Variants in MEIOB observed in about 807,000 individuals in gnomAD.
The protein encoded by MEIOB is meiosis specific with OB-fold.
A neutral mutation model predicts 53.1 loss-of-function variants in MEIOB; 50 were observed. That is an observed-to-expected ratio of 0.94 (90% CI 0.75 to 1.19). The LOEUF is 1.19. Ranked by LOEUF, MEIOB falls within the 50% of genes most tolerant of loss-of-function variation. The probability of loss-of-function intolerance (pLI) is 0.00; values close to 1 mark genes in which losing one functional copy is unlikely to be tolerated. For synonymous variants in MEIOB, 192 were observed against 182.5 expected (o/e 1.05, Z -0.42); for missense variants, 551 against 550.8 (o/e 1.00, Z 0.00).
chr16:1,859,809 G>A (rs983874718), intron 5 of MEIOB, among the ~76,000 whole-genome samples: 6 of 152,030 alleles, frequency 3.9e-5, no homozygotes, highest in Admixed American at 2.6e-4. Context: ...TGCCAGACCC[G>A]CCTTTGAGCT....
At chr16:1,869,786 C>T (rs1390772857) in intron 1 of MEIOB, among the ~76,000 whole-genome samples, 1 of 151,854 alleles carries the variant, frequency 6.6e-6, no homozygotes, top group Non-Finnish European at 1.5e-5. Context: ...TATATATTAG[C>T]ATCAAGCTTA....
chr16:1,843,155 G>C (rs1310279269), intron 10 of MEIOB, among the ~76,000 whole-genome samples: 1 of 151,084 alleles, frequency 6.6e-6, no homozygotes, highest in Non-Finnish European at 1.5e-5. Flanking sequence ...TTAGCCGGGC[G>C]TGGGGTGGGC....
intron 3 of MEIOB, among the ~76,000 whole-genome samples, chr16:1,863,851 G>T (rs1393479604): frequency 6.6e-6 from 1 of 152,134 alleles, no homozygotes; most frequent in Non-Finnish European, 1.5e-5. Context: ...ATTTCATATT[G>T]GTTTTGCTAA....
chr16:1,840,204 A>G (rs1470410435), intron 11 of MEIOB: 1 of 152,202 alleles, frequency 6.6e-6, no homozygotes, highest in Non-Finnish European at 1.5e-5. Flanking sequence ...GTACAGGAAA[A>G]AAATTAGTTT....
At chr16:1,836,235 T>C (rs1275757531) in intron 13 of MEIOB, among the ~76,000 whole-genome samples, 1 of 152,214 alleles carries the variant, frequency 6.6e-6, no homozygotes, top group Non-Finnish European at 1.5e-5. Context: ...TAAAATACTG[T>C]GTTACCTAAT....
At chr16:1,848,441 C>A (rs1437018216) in intron 9 of MEIOB, among the ~76,000 whole-genome samples, 1 of 151,258 alleles carries the variant, frequency 6.6e-6, no homozygotes, top group African/African-American at 2.4e-5. Context: ...TGATCTAAAA[C>A]TTCCCTCTTT....
intron 10 of MEIOB, among the ~76,000 whole-genome samples, chr16:1,842,652 T>C (rs1898942260): frequency 1.5e-5 from 2 of 136,940 alleles, no homozygotes; most frequent in Admixed American, 1.5e-4. Flanking sequence ...TTTTTTTTAT[T>C]ATTATTTTCA....
rs1264540097 is a variant in MEIOB, at chr16:1,841,508, C to G, written c.1034+312G>C. Among the ~76,000 whole-genome samples, 7 of 152,240 alleles carry G rather than the reference C, an allele frequency of 4.6e-5. No individual in the cohort carries two copies. The East Asian group carries it at 1.2e-3, about 25-fold the overall frequency. ...AAATAATTTTTTTTTAATGCTGTCA[C>G]TACATTGCTATAGGGCCTAGCAACC... On this transcript the variant is annotated intron_variant, in intron 11 of 13. Transcript: ENST00000325962.
At chr16:1,841,288 G>A (rs753694966) in intron 11 of MEIOB, among the ~76,000 whole-genome samples, 2 of 152,118 alleles carry the variant, frequency 1.3e-5, no homozygotes, top group Non-Finnish European at 2.9e-5. Flanking sequence ...ATAGTGCTGG[G>A]ATTACAGGCG....
In MEIOB at chr16:1,844,861, C is replaced by G. The variant is rs779201835; in HGVS notation, c.880+1G>C. 6 of 1,495,128 alleles carry G rather than the reference C, an allele frequency of 4.0e-6. No homozygotes were observed. The South Asian group carries it at 7.2e-5, about 18-fold the overall frequency. The allele number at this position is 1,495,128 out of a possible 1,614,324, so 92.6% of individuals were successfully genotyped here. ...CCAAATATATTTAAACGGTCACTTA[C>G]AATTTATGGATTCTTTGAAATAACT... On this transcript the variant is annotated splice_donor_variant, in intron 10 of 13. Coordinates refer to ENST00000325962, the MANE Select transcript of MEIOB (RefSeq NM_001163560.3). LOFTEE classifies it high-confidence loss of function.
At chr16:1,843,537 A>G (rs1194465444) in intron 10 of MEIOB, 1 of 152,046 alleles carries the variant, frequency 6.6e-6, no homozygotes, top group East Asian at 1.9e-4. Flanking sequence ...TGTCTCTACT[A>G]AAAATAAAAA....
At chr16:1,860,301 G>T in intron 5 of MEIOB, 102 bp downstream of exon 5, 1 of 578,706 alleles carries the variant, frequency 1.7e-6, no homozygotes, top group Non-Finnish European at 2.9e-6. Flanking sequence ...CATTTTTATT[G>T]AAATAGAAAC....
Position 1,834,116 on chromosome 16 carries a change from C to T in MEIOB, c.*140G>A, listed in dbSNP as rs1898674940. 3 of 592,414 alleles carry T rather than the reference C, an allele frequency of 5.1e-6. No homozygotes were observed. Among genetic ancestry groups the T allele is most frequent in the Non-Finnish European group, 9.0e-6 (3 of 333,448 alleles). 36.7% of individuals were successfully genotyped at this position (592,414 alleles called of 1,614,324 possible). ...AGGCCTTCAGACTCACCCAGACCAC[C>T]TCCACCATAACAATTTCTAGAAACA... On this transcript the variant is annotated 3_prime_UTR_variant, in exon 14 of 14. Coordinates refer to ENST00000325962, the MANE Select transcript of MEIOB (RefSeq NM_001163560.3).
intron 1 of MEIOB, among the ~76,000 whole-genome samples, chr16:1,871,259 G>A (rs932454604): frequency 6.6e-6 from 1 of 150,388 alleles, no homozygotes; most frequent in Admixed American, 6.7e-5. Flanking sequence ...TTGCTCTGTC[G>A]CCCAGGCTGG....
chr16:1,858,060 A>C (rs1478232433), intron 5 of MEIOB, 130 bp from the exon 6 acceptor site: 4 of 615,550 alleles, frequency 6.5e-6, no homozygotes, highest in African/African-American at 1.9e-5. Flanking sequence ...TTACTCTTAG[A>C]AACATTGAAT....
intron 5 of MEIOB, among the ~76,000 whole-genome samples, chr16:1,860,098 G>A (rs750423846): frequency 2.0e-5 from 3 of 152,116 alleles, no homozygotes; most frequent in Non-Finnish European, 4.4e-5. Flanking sequence ...ACCTTGACAT[G>A]AAAAAAGACA....
intron 10 of MEIOB, among the ~76,000 whole-genome samples, chr16:1,842,733 G>T (rs931463140): frequency 1.3e-5 from 2 of 150,704 alleles, no homozygotes; most frequent in Non-Finnish European, 1.5e-5. Flanking sequence ...GCGCGATCTC[G>T]GCTCACTGCA....
intron 11 of MEIOB, chr16:1,839,675 C>A: frequency 2.3e-6 from 1 of 439,420 alleles, no homozygotes; most frequent in East Asian, 4.1e-5. Context: ...CCCTCCTTCC[C>A]TCCCTCTGCC....
In MEIOB at chr16:1,867,773, G is replaced by T. The variant is rs986406205; in HGVS notation, c.69+334C>A. ...AGACATGAGCCACTGTGCCTGGCCT[G>T]GTTTAATTTTACAATGCTAAATTTG... is the stretch of plus-strand genomic sequence containing the variant. On this transcript the variant is annotated intron_variant, in intron 2 of 13. Transcript: ENST00000325962. Among the ~76,000 whole-genome samples, 4 of 151,590 alleles carry T rather than the reference G, an allele frequency of 2.6e-5. No homozygotes were observed. The South Asian group carries it at 8.3e-4, about 32-fold the overall frequency.
Sources: gnomAD v4.1 joint callset for allele counts (sites outside exome capture counted in the v4.1 genomes callset) on GRCh38, gnomAD v4.1.1 for gene constraint, MANE v1.5 for transcripts, NCBI Gene and HGNC (gene_info 2026-07-23, HGNC 2026-07-21) for gene names.